TBC1D19: variants seen among roughly 807,000 people sequenced by gnomAD.
TBC1D19 encodes TBC1 domain family member 19.
Under a neutral mutation model 89.0 loss-of-function variants are expected in TBC1D19, and 60 were observed. That is an observed-to-expected ratio of 0.67 (90% confidence interval 0.55 to 0.84). TBC1D19 has a LOEUF of 0.84. TBC1D19 is among the 40% of genes least tolerant of loss of function. TBC1D19 has a pLI of 0.00. For missense variants in TBC1D19, 500 were observed against 610.8 expected (o/e 0.82, Z 1.91); for synonymous variants, 189 against 199.7 (o/e 0.95, Z 0.45).
Position 26,753,894 on chromosome 4 carries a change from A to T in TBC1D19, c.1506+4A>T. The T allele has an allele frequency of 6.2e-7, 1 of 1,613,872 alleles. No homozygotes were observed. Among genetic ancestry groups the T allele is most frequent in the Non-Finnish European group, 8.5e-7 (1 of 1,179,822 alleles). On this transcript the variant is annotated splice_donor_region_variant and intron_variant, in intron 20 of 20. Coordinates refer to ENST00000264866, the MANE Select transcript of TBC1D19 (RefSeq NM_018317.4). ...GACATCACTGGCTGCAGCTGAAGTA[A>T]GGATAAGTTTCACTCAGATGGGATG...
chr4:26,838,286 G>T, the TBC1D19 span, among the ~76,000 whole-genome samples: 1 of 152,184 alleles, frequency 6.6e-6, no homozygotes, highest in Admixed American at 6.6e-5. Flanking sequence ...TTGGATTTCA[G>T]AGAGACACAG....
At chr4:26,857,740 G>A in the TBC1D19 span, 1 of 152,304 alleles carries the variant, frequency 6.6e-6, no homozygotes, top group Admixed American at 6.5e-5. Context: ...TCGGGAACCG[G>A]TTCTCCGAGT....
At chr4:26,646,993 T>C (rs561819535) in intron 7 of TBC1D19, among the ~76,000 whole-genome samples, 3 of 152,318 alleles carry the variant, frequency 2.0e-5, no homozygotes, top group Admixed American at 6.5e-5. Context: ...GCCTGGCACA[T>C]ATACATACTC....
At chr4:26,735,406 A>T in intron 15 of TBC1D19, 49 bp from the exon 16 acceptor site, 1 of 1,430,182 alleles carries the variant, frequency 7.0e-7, no homozygotes, top group Non-Finnish European at 9.5e-7. Context: ...CTTACCTAAT[A>T]ATCAGTAGGC....
chr4:26,583,550 C>A (rs1739200878), upstream of TBC1D19, among the ~76,000 whole-genome samples: 1 of 152,098 alleles, frequency 6.6e-6, no homozygotes, highest in East Asian at 1.9e-4. Context: ...TTAGATGAGA[C>A]GAGATTGTCT....
the TBC1D19 span, among the ~76,000 whole-genome samples, chr4:26,805,950 G>A: frequency 1.3e-5 from 2 of 151,918 alleles, no homozygotes; most frequent in African/African-American, 4.8e-5. Flanking sequence ...CAGCCTGGAT[G>A]ACAGAGTGAG....
upstream of TBC1D19, among the ~76,000 whole-genome samples, chr4:26,579,548 T>C (rs1336361846): frequency 6.6e-6 from 1 of 151,956 alleles, no homozygotes; most frequent in Non-Finnish European, 1.5e-5. Flanking sequence ...AATGTTCAGG[T>C]TTGTTGCATA....
At chr4:26,671,285 A>G (rs925955833) in intron 9 of TBC1D19, among the ~76,000 whole-genome samples, 1 of 151,776 alleles carries the variant, frequency 6.6e-6, no homozygotes, top group Middle Eastern at 3.4e-3. Context: ...CTGAAGACCA[A>G]TGTGGTTGAG....
intron 16 of TBC1D19, among the ~76,000 whole-genome samples, chr4:26,737,069 A>G (rs953754838): frequency 3.9e-5 from 6 of 152,198 alleles, no homozygotes; most frequent in African/African-American, 1.2e-4. Flanking sequence ...AGAATCTGCA[A>G]TAAACACTTT....
chr4:26,804,225 A>C, the TBC1D19 span, among the ~76,000 whole-genome samples: 1 of 152,008 alleles, frequency 6.6e-6, no homozygotes, highest in South Asian at 2.1e-4. Flanking sequence ...GGCTCACTGC[A>C]ACCTCTGCCT....
intron 15 of TBC1D19, among the ~76,000 whole-genome samples, chr4:26,723,147 A>C (rs968657016): frequency 2.0e-5 from 3 of 152,140 alleles, no homozygotes; most frequent in African/African-American, 7.2e-5. Flanking sequence ...CTACAGAATC[A>C]TTTCTCCTCT....
chr4:26,740,188 C>T (rs1718272108), intron 17 of TBC1D19, among the ~76,000 whole-genome samples: 1 of 152,104 alleles, frequency 6.6e-6, no homozygotes, highest in Non-Finnish European at 1.5e-5. Context: ...TTGTCAACTA[C>T]ATTTAAATGA....
At chr4:26,746,137 C>T (rs1190774517) in intron 18 of TBC1D19, among the ~76,000 whole-genome samples, 1 of 151,810 alleles carries the variant, frequency 6.6e-6, no homozygotes, top group Non-Finnish European at 1.5e-5. Context: ...TTCTGGCAAT[C>T]CAGTGGCACA....
At chr4:26,842,452 C>T in the TBC1D19 span, among the ~76,000 whole-genome samples, 34 of 149,926 alleles carry the variant, frequency 2.3e-4, no homozygotes, top group East Asian at 6.4e-3. Flanking sequence ...ACAGGTGATC[C>T]CCCCACCACA....
intron 1 of TBC1D19, among the ~76,000 whole-genome samples, chr4:26,586,014 G>C (rs1258571575): frequency 6.6e-6 from 1 of 152,076 alleles, no homozygotes; most frequent in Non-Finnish European, 1.5e-5. Flanking sequence ...AAAAGTGTTT[G>C]CCTAACTCAA....
rs763972269 is a variant in TBC1D19, at chr4:26,742,501, T to C, written c.1228-7T>C. On this transcript the variant is annotated splice_region_variant and splice_polypyrimidine_tract_variant and intron_variant, in intron 17 of 20. Transcript: ENST00000264866. ...CTATTTCTCTTATGATTCATTATTG[T>C]ATCCAGGGTATTGTGTCACTCTGTC... is the stretch of plus-strand genomic sequence containing the variant. 2.5e-6 allele frequency: 4 copies of C among 1,584,462 alleles called. No homozygotes were observed. The highest frequency in any genetic ancestry group is 2.3e-5 in the East Asian group (1 of 44,306).
the TBC1D19 span, among the ~76,000 whole-genome samples, chr4:26,827,305 G>A: frequency 1.1e-4 from 17 of 152,106 alleles, no homozygotes; most frequent in Non-Finnish European, 2.9e-5. Context: ...TATCCTTTGG[G>A]TCAAAATCAT....
chr4:26,772,458 C>CT, the TBC1D19 span, among the ~76,000 whole-genome samples: 16 of 151,922 alleles, frequency 1.1e-4, no homozygotes, highest in Admixed American at 3.9e-4. Context: ...GGGGAGCCAT[C>CT]TTTTTTTTCC....
chr4:26,638,594 C>T (rs1743283325), intron 5 of TBC1D19, among the ~76,000 whole-genome samples, 177 bp from the exon 6 acceptor site: 1 of 152,100 alleles, frequency 6.6e-6, no homozygotes, highest in African/African-American at 2.4e-5. Context: ...CTAGATATAA[C>T]ATAATAGTTA....
Sources: gnomAD v4.1 joint callset for allele counts (sites outside exome capture counted in the v4.1 genomes callset) on GRCh38, gnomAD v4.1.1 for gene constraint, MANE v1.5 for transcripts, NCBI Gene and HGNC (gene_info 2026-07-23, HGNC 2026-07-21) for gene names.